The following NAA25 variants were observed in gnomAD, a reference collection of about 807,000 sequenced individuals.
The protein encoded by NAA25 is N-alpha-acetyltransferase 25, NatB auxiliary subunit, also known as N-terminal acetyltransferase B complex subunit NAA25.
In NAA25, 30 loss-of-function variants were observed where a neutral mutation model predicts 132.5. That is an observed-to-expected ratio of 0.23 (90% CI 0.17 to 0.31). The LOEUF is 0.31. Ranked by LOEUF, NAA25 falls within the 10% of genes least tolerant of loss-of-function variation. The pLI, the probability that NAA25 is intolerant of heterozygous loss-of-function variation, is 1.00. For synonymous variants in NAA25, 359 were observed against 401.9 expected, an observed-to-expected ratio of 0.89 and a Z score of 1.28; for missense variants, 771 against 1,150.4, an observed-to-expected ratio of 0.67 and a Z score of 4.77.
intron 17 of NAA25, among the ~76,000 whole-genome samples, chr12:112,047,229 C>CT (rs71808367): frequency 0.14 from 16,931 of 119,156 alleles, 2,244 homozygotes; most frequent in African/African-American, 0.34. Flanking sequence ...CATCCTAATT[C>CT]TTTTTTTTTT....
intron 13 of NAA25, among the ~76,000 whole-genome samples, chr12:112,055,232 G>A (rs887630093): frequency 1.3e-5 from 2 of 152,012 alleles, no homozygotes; most frequent in African/African-American, 4.8e-5. Context: ...TGGTAACTTC[G>A]ACACATGGAA....
At chr12:112,099,556 T>C (rs2079261700) in intron 1 of NAA25, among the ~76,000 whole-genome samples, 1 of 151,980 alleles carries the variant, frequency 6.6e-6, no homozygotes, top group East Asian at 1.9e-4. Flanking sequence ...ACGATAGAAA[T>C]TTGGGAAGAA....
intron 15 of NAA25, among the ~76,000 whole-genome samples, chr12:112,050,664 G>A (rs553979133): frequency 3.3e-5 from 5 of 151,760 alleles, no homozygotes; most frequent in East Asian, 1.9e-4. Context: ...AATTACAGGC[G>A]CTCGCCAACA....
intron 4 of NAA25, among the ~76,000 whole-genome samples, chr12:112,085,901 C>T (rs2079039938): frequency 6.8e-6 from 1 of 148,020 alleles, no homozygotes; most frequent in African/African-American, 2.5e-5. Context: ...GCCTGTAGTC[C>T]CAGTACTTGA....
intron 22 of NAA25, among the ~76,000 whole-genome samples, chr12:112,038,664 T>C (rs1389238781): frequency 3.3e-5 from 5 of 152,102 alleles, no homozygotes; most frequent in African/African-American, 7.2e-5. Context: ...GGAAGAAGAA[T>C]TGTCTTGGGC....
chr12:112,048,035 C>T lies in NAA25; in HGVS notation c.1881-245G>A, dbSNP rs11066137. Among the ~76,000 whole-genome samples, 8,453 of 152,116 alleles carry T rather than the reference C, an allele frequency of 0.056. 1,307 individuals carry two copies. The East Asian group carries it at 0.61, about 11-fold the overall frequency. ...GAAATCTCTTGATTTGTAGGGGAGG[C>T]GGAACCTTCGTAAGCACAATATGGA... is the stretch of plus-strand genomic sequence containing the variant. On this transcript the variant is annotated intron_variant, in intron 16 of 23. Transcript: ENST00000261745.
intron 22 of NAA25, 70 bp from the exon 23 acceptor site, chr12:112,033,449 A>C: frequency 7.2e-7 from 1 of 1,397,004 alleles, no homozygotes; most frequent in Non-Finnish European, 9.5e-7. Flanking sequence ...CACAAAAGCT[A>C]CTGAAAGATG....
chr12:112,078,397 A>C (rs552525957), intron 6 of NAA25, 131 bp from the exon 7 acceptor site: 357 of 724,668 alleles, frequency 4.9e-4, no homozygotes, highest in South Asian at 1.7e-3. Context: ...AGTACGAAGC[A>C]GGTAACAGGA....
intron 19 of NAA25, 51 bp from the exon 20 acceptor site, chr12:112,042,155 GATA>G (rs2078309172): frequency 1.0e-6 from 1 of 964,504 alleles, no homozygotes; most frequent in Non-Finnish European, 1.5e-6. Flanking sequence ...TTTTTAGTAA[GATA>G]AAGAAGCAAG....
chr12:112,033,238 A>C lies in NAA25; in HGVS notation c.2791T>G (p.Ser931Ala), dbSNP rs2078174237. ...EELILEDTSL[S>A]PEERKFSKTV... ...GATTGCCTACAATCTCTTACCGGTG[A>C]GAGAGAAGTGTCTTCTAAAATAAGT... Residue 931 changes from serine to alanine, a missense_variant, in exon 23 of 24, where the codon TCA becomes GCA. By Grantham distance (99) the Ser-to-Ala change is moderately conservative (BLOSUM62 1). Around this residue, in one of 3 missense-constraint regions of NAA25, gnomAD observed 324 missense variants for 400.0 expected, o/e 0.81. Coordinates refer to ENST00000261745, the MANE Select transcript of NAA25 (RefSeq NM_024953.4). 2 of 1,606,448 alleles carry C rather than the reference A, an allele frequency of 1.2e-6. No homozygotes were observed. The highest frequency in any genetic ancestry group is 1.7e-6 in the Non-Finnish European group (2 of 1,177,108).
rs1320413997 is a variant in NAA25 at position 112,053,618 on chromosome 12, A to G, written c.1668T>C (p.Tyr556=). 1.9e-6 allele frequency: 3 copies of G among 1,608,646 alleles called. No homozygotes were observed. Among genetic ancestry groups the G allele is most frequent in the Non-Finnish European group, 2.5e-6 (3 of 1,176,982 alleles). The change falls in exon 15 of 24, where the codon TAT becomes TAC. Residue 556 remains tyrosine (Y), a synonymous_variant. Coordinates refer to ENST00000261745, the MANE Select transcript of NAA25 (RefSeq NM_024953.4). ...LTRYAESLGQ[Y]AAASQSCNFA... ...AGTTACAGGATTGGGACGCAGCAGC[A>G]TACTGACCTAGAGATTCAGCATATC...
intron 19 of NAA25, 143 bp from the exon 20 acceptor site, chr12:112,042,247 G>T: frequency 2.7e-6 from 1 of 369,522 alleles, no homozygotes; most frequent in Non-Finnish European, 4.8e-6. Flanking sequence ...ATTATTTTGA[G>T]ACAAAAAGAA....
intron 13 of NAA25, among the ~76,000 whole-genome samples, chr12:112,056,555 A>G (rs189056870): frequency 2.0e-4 from 30 of 152,194 alleles, no homozygotes; most frequent in African/African-American, 6.3e-4. Context: ...TCAAAATAAA[A>G]AAATAGCCTT....
intron 11 of NAA25, among the ~76,000 whole-genome samples, chr12:112,062,792 C>T (rs905510667): frequency 3.3e-5 from 5 of 151,852 alleles, no homozygotes; most frequent in African/African-American, 1.2e-4. Flanking sequence ...CAGTGACTCA[C>T]ACCTATATTC....
At position 112,086,014 on chromosome 12, in the gene NAA25, C is replaced by CAA. The variant is rs566528517; in HGVS notation, c.402+1667_402+1668dup. On this transcript the variant is annotated intron_variant, in intron 4 of 23. Transcript: ENST00000261745. The stretch of plus-strand genomic sequence containing the variant: ...CCTGGGTGACAGAGTGAGACTGTCT[C>CAA]AAAAAAAAAAAAAAAAAAAAAAAAA... Among the ~76,000 whole-genome samples, 3 of 11,986 alleles carry CAA rather than the reference C, an allele frequency of 2.5e-4. 1 individual carries two copies. The highest frequency in any genetic ancestry group is 3.9e-4 in the Non-Finnish European group (3 of 7,622). 7.9% of individuals were successfully genotyped at this position (11,986 alleles called of 152,430 possible). A position where few individuals can be genotyped will look rare whatever the true frequency, so the allele number is the denominator to read the frequency against.
chr12:112,104,091 G>A (rs2079329865), intron 1 of NAA25, among the ~76,000 whole-genome samples: 1 of 152,148 alleles, frequency 6.6e-6, no homozygotes, highest in South Asian at 2.1e-4. Context: ...GCACCCAAGA[G>A]AAATGTCCTA....
intron 1 of NAA25, among the ~76,000 whole-genome samples, chr12:112,104,089 G>A (rs138701186): frequency 3.9e-5 from 6 of 152,126 alleles, no homozygotes; most frequent in South Asian, 2.1e-4. Context: ...AGGCACCCAA[G>A]AGAAATGTCC....
chr12:112,104,912 G>C (rs989584568), intron 1 of NAA25, among the ~76,000 whole-genome samples: 4 of 152,048 alleles, frequency 2.6e-5, no homozygotes, highest in Admixed American at 6.6e-5. Context: ...CAGCTACTCA[G>C]GAGGCTGAGG....
intron 13 of NAA25, among the ~76,000 whole-genome samples, chr12:112,057,454 T>C (rs2078564105): frequency 6.6e-6 from 1 of 152,224 alleles, no homozygotes; most frequent in Non-Finnish European, 1.5e-5. Context: ...TGTTTTCATG[T>C]TAAAATGACT....
Sources: allele counts gnomAD v4.1 joint callset (sites outside exome capture counted in the v4.1 genomes callset), GRCh38; gene constraint gnomAD v4.1.1; regional missense constraint gnomAD v4.1.1; transcripts MANE v1.5; gene names NCBI Gene and HGNC (gene_info 2026-07-23, HGNC 2026-07-21).